AMZ2: variants seen among roughly 807,000 people sequenced by gnomAD.
AMZ2 encodes the protein archaemetzincin-2.
AMZ2 carries 26 observed loss-of-function variants against 36.7 expected under a neutral mutation model. That is an observed-to-expected ratio of 0.71 (90% confidence interval 0.52 to 0.98). The LOEUF (loss-of-function observed/expected upper bound fraction) is 0.98. Ranked by LOEUF, AMZ2 falls within the 50% of genes least tolerant of loss-of-function variation. The probability of loss-of-function intolerance (pLI) is 0.00; values close to 1 mark genes in which losing one functional copy is unlikely to be tolerated. For missense variants in AMZ2, 394 were observed against 430.5 expected, an observed-to-expected ratio of 0.92 and a Z score of 0.75; for synonymous variants, 144 against 149.1, an observed-to-expected ratio of 0.97 and a Z score of 0.25.
Position 68,216,957 on chromosome 17 carries a change from C to T in AMZ2, c.-67+10719C>T, listed in dbSNP as rs377485383. On this transcript the variant is annotated intron_variant, in intron 1 of 7. Coordinates refer to the AMZ2 transcript ENST00000674770. Reference sequence around the variant, plus strand: ...CTGAAGCAGGAGAATGGTGTGAACCCGGGAGGTGGAGCTTGCAGTGAGCCG... The same window carrying T: ...CTGAAGCAGGAGAATGGTGTGAACCTGGGAGGTGGAGCTTGCAGTGAGCCG... Among the ~76,000 whole-genome samples the T allele has an allele frequency of 6.2e-4, 94 of 150,490 alleles. 3 individuals carry two copies. The East Asian group carries it at 0.012, about 20-fold the overall frequency.
chr17:68,250,636 T>C, intron 2 of AMZ2, 158 bp from the exon 3 acceptor site: 2 of 1,175,096 alleles, frequency 1.7e-6, no homozygotes, highest in Non-Finnish European at 2.4e-6. Context: ...AGATAACATT[T>C]TGTTTCTTTT....
intron 1 of AMZ2, among the ~76,000 whole-genome samples, chr17:68,207,888 A>C (rs12949232): frequency 0.13 from 18,975 of 149,400 alleles, 1,331 homozygotes; most frequent in Non-Finnish European, 0.16. Flanking sequence ...CGGGGCTGCG[A>C]GCGGTGCTTG....
chr17:68,229,995 A>G (rs782049011), intron 1 of AMZ2, among the ~76,000 whole-genome samples: 7 of 152,224 alleles, frequency 4.6e-5, no homozygotes, highest in Non-Finnish European at 8.8e-5. Context: ...GAATCCACCA[A>G]GATATCCTAA....
chr17:68,239,087 T>C (rs1232786547), intron 1 of AMZ2, among the ~76,000 whole-genome samples: 1 of 152,176 alleles, frequency 6.6e-6, no homozygotes, highest in Non-Finnish European at 1.5e-5. Context: ...CCGTTCAACT[T>C]CCACTGAAGC....
chr17:68,222,152 T>C (rs1318355592), intron 1 of AMZ2, among the ~76,000 whole-genome samples: 1 of 152,206 alleles, frequency 6.6e-6, no homozygotes, highest in Non-Finnish European at 1.5e-5. Flanking sequence ...TCCCCAGGTT[T>C]CTGGTGGAGC....
chr17:68,221,584 G>A (rs1489098695), intron 1 of AMZ2, among the ~76,000 whole-genome samples: 7 of 152,032 alleles, frequency 4.6e-5, no homozygotes, highest in Admixed American at 2.6e-4. Context: ...AAAATTAGCC[G>A]GGTGTGGTGG....
At chr17:68,225,540 A>C (rs1315737615) in intron 1 of AMZ2, among the ~76,000 whole-genome samples, 1 of 152,242 alleles carries the variant, frequency 6.6e-6, no homozygotes, top group Non-Finnish European at 1.5e-5. Flanking sequence ...CTGTGACTCA[A>C]GCCGAAGAGC....
At chr17:68,247,629 C>G, upstream of AMZ2, 1 of 985,468 alleles carries the variant, frequency 1.0e-6, no homozygotes, top group Non-Finnish European at 1.2e-6. Context: ...TGCGGCTCTA[C>G]GTCAACCTGC....
At chr17:68,232,285 C>T (rs7222897) in intron 1 of AMZ2, among the ~76,000 whole-genome samples, 1 of 151,538 alleles carries the variant, frequency 6.6e-6, no homozygotes, top group South Asian at 2.1e-4. Context: ...TCACTGGAGC[C>T]CAGGAGTATG....
Position 68,254,502 on chromosome 17 carries a change from T to C in AMZ2, c.685T>C (p.Tyr229His). Residue 229 changes from tyrosine (Y) to histidine (H), a missense_variant, in exon 5 of 7, where the codon TAT becomes CAT. By Grantham distance (83) the Tyr-to-His change is moderately conservative (BLOSUM62 2). Coordinates refer to ENST00000359904, the MANE Select transcript of AMZ2 (RefSeq NM_016627.5). ...KKLKKTSSSD[Y>H]SIFDNYYIPE... ...GCTCAAGAAAACATCTTCAAGTGAC[T>C]ATTCAATTTTCGACAACTATTATAT... The C allele has an allele frequency of 6.2e-7, 1 of 1,613,404 alleles. No homozygotes were observed. Among genetic ancestry groups the C allele is most frequent in the Non-Finnish European group, 8.5e-7 (1 of 1,179,536 alleles).
At chr17:68,223,786 G>C (rs1186837947) in intron 1 of AMZ2, among the ~76,000 whole-genome samples, 2 of 152,028 alleles carry the variant, frequency 1.3e-5, no homozygotes, top group Non-Finnish European at 2.9e-5. Context: ...TGTGATCTTC[G>C]CTCACTGCAA....
At position 68,234,560 on chromosome 17, in the gene AMZ2, A is replaced by C. The variant is rs2073742525; in HGVS notation, c.-66-14080A>C. 1.3e-5 allele frequency among the ~76,000 whole-genome samples: 2 copies of C among 152,096 alleles called. 1 individual carries two copies. The highest frequency in any genetic ancestry group is 4.1e-4 in the South Asian group (2 of 4,822). The stretch of plus-strand genomic sequence containing the variant: ...AGGATTGCTTGAGCTCAGGAATTCA[A>C]GGCCAGCCTGGTTAATATAGTGAGA... On this transcript the variant is annotated intron_variant, in intron 1 of 7. Coordinates refer to the AMZ2 transcript ENST00000674770.
intron 4 of AMZ2, among the ~76,000 whole-genome samples, chr17:68,253,739 G>A (rs1460085637): frequency 6.7e-6 from 1 of 148,780 alleles, no homozygotes; most frequent in African/African-American, 2.5e-5. Flanking sequence ...GTGAAATCAT[G>A]ACTTCCTATT....
chr17:68,248,635 T>A lies in AMZ2; in HGVS notation c.-71T>A. ...ATGAAGTCACACTCCACAACTTTCT[T>A]CCAGCCAGGCCCAGACATGTCCGTC... On this transcript the variant is annotated 5_prime_UTR_variant, in exon 1 of 7. Coordinates refer to ENST00000359904, the MANE Select transcript of AMZ2 (RefSeq NM_016627.5). The A allele has an allele frequency of 4.1e-6, 4 of 985,928 alleles. No homozygotes were observed. Among genetic ancestry groups the A allele is most frequent in the Non-Finnish European group, 4.8e-6 (4 of 830,020 alleles). The allele number at this position is 985,928 out of a possible 1,614,324, so 61.1% of individuals were successfully genotyped here.
At chr17:68,240,248 C>T (rs1259578158) in intron 1 of AMZ2, among the ~76,000 whole-genome samples, 1 of 152,178 alleles carries the variant, frequency 6.6e-6, no homozygotes, top group Admixed American at 6.5e-5. Flanking sequence ...CTCTCATGAC[C>T]TGATCACCTC....
At chr17:68,213,534 C>G (rs1316404497) in intron 1 of AMZ2, among the ~76,000 whole-genome samples, 3 of 152,194 alleles carry the variant, frequency 2.0e-5, no homozygotes, top group Non-Finnish European at 2.9e-5. Flanking sequence ...TGAATCCACA[C>G]TGATTCTTGA....
Position 68,250,775 on chromosome 17 carries a change from A to G in AMZ2, c.284-19A>G. ...TAATCATCTTAAAGTCTGTTTTTAA[A>G]TGTTCTTCCATATTGTAGGCTCTCT... On this transcript the variant is annotated intron_variant, in intron 2 of 6. Transcript: ENST00000359904. 1.3e-6 allele frequency: 2 copies of G among 1,543,782 alleles called. No homozygotes were observed. The highest frequency in any genetic ancestry group is 1.7e-6 in the Non-Finnish European group (2 of 1,150,456).
rs536860387 is a variant in AMZ2, at chr17:68,255,753, T to G, written c.804T>G (p.Leu268=). 1 of 1,614,212 alleles carries G rather than the reference T, an allele frequency of 6.2e-7. No individual in the cohort carries two copies. The highest frequency in any genetic ancestry group is 1.1e-5 in the South Asian group (1 of 91,080). The change falls in exon 6 of 7, where the codon CTT becomes CTG. Residue 268 remains leucine (L), a synonymous_variant. Transcript: ENST00000359904. ...TTGGACTGCGACACTGCCAGTGGCTTGCATGCCTCATGCAAGGCTCCAACC... is the reference window on the plus strand; with the variant it reads ...TTGGACTGCGACACTGCCAGTGGCTGGCATGCCTCATGCAAGGCTCCAACC... The part of the protein sequence containing the change: ...HIFGLRHCQW[L]ACLMQGSNHL...
In AMZ2 at chr17:68,256,820, G is replaced by A. The variant is rs1429070193; in HGVS notation, c.934G>A (p.Val312Met). The change falls in exon 7 of 7, where the codon GTG (valine) becomes ATG (methionine). Residue 312 changes from valine (V) to methionine (M), a missense_variant. By Grantham distance (21) the Val-to-Met change is conservative. Transcript: ENST00000359904. The part of the protein sequence containing the change: ...FSIVERYKAL[V>M]RWIDDESSDT... ...ATCTTTCATGTTTTTCCAGGCACTG[G>A]TGAGGTGGATTGATGATGAATCTTC... The A allele has an allele frequency of 6.3e-7, 1 of 1,596,866 alleles. No individual in the cohort carries two copies. Among genetic ancestry groups the A allele is most frequent in the Non-Finnish European group, 8.6e-7 (1 of 1,166,688 alleles).
Sources: gnomAD v4.1 joint callset for allele counts (sites outside exome capture counted in the v4.1 genomes callset) on GRCh38, gnomAD v4.1.1 for gene constraint, MANE v1.5 for transcripts, NCBI Gene and HGNC (gene_info 2026-07-23, HGNC 2026-07-21) for gene names.